Variants in SLC37A1 observed in about 807,000 individuals in gnomAD.
The protein encoded by SLC37A1 is solute carrier family 37 member 1.
Under a neutral mutation model 75.3 loss-of-function variants are expected in SLC37A1, and 49 were observed. That is an observed-to-expected ratio of 0.65 (90% CI 0.52 to 0.83). The LOEUF (loss-of-function observed/expected upper bound fraction) is 0.83, where lower values mean the gene tolerates loss of function less well. Among genes scored for constraint, SLC37A1 ranks in the 40% least tolerant of loss-of-function variants. The pLI is 0.00. For synonymous variants in SLC37A1, 268 were observed against 292.1 expected (o/e 0.92, Z 0.84); for missense variants, 566 against 695.0 (o/e 0.81, Z 2.09).
At chr21:42,543,945 A>G (rs1371263003) in intron 8 of SLC37A1, among the ~76,000 whole-genome samples, 1 of 152,240 alleles carries the variant, frequency 6.6e-6, no homozygotes, top group Non-Finnish European at 1.5e-5. Flanking sequence ...CACAGCCTGA[A>G]TTGGACCCAG....
intron 17 of SLC37A1, among the ~76,000 whole-genome samples, chr21:42,573,977 G>A (rs944180883): frequency 6.7e-6 from 1 of 149,684 alleles, no homozygotes; most frequent in Admixed American, 6.7e-5. Context: ...ATAGTACAAA[G>A]AATTCAGACA....
At chr21:42,559,313 C>T (rs992804178) in intron 11 of SLC37A1, among the ~76,000 whole-genome samples, 5 of 135,020 alleles carry the variant, frequency 3.7e-5, no homozygotes, top group East Asian at 1.9e-4. Flanking sequence ...TTTTGAAATT[C>T]GTTTTCTCCA....
intron 13 of SLC37A1, among the ~76,000 whole-genome samples, 168 bp downstream of exon 13, chr21:42,564,045 C>T (rs1023446039): frequency 1.3e-5 from 2 of 152,046 alleles, no homozygotes; most frequent in Non-Finnish European, 2.9e-5. Flanking sequence ...TATTGTCTCC[C>T]GTCCCTCCCC....
chr21:42,549,726 C>A (rs1338075062), intron 9 of SLC37A1, among the ~76,000 whole-genome samples: 1 of 152,158 alleles, frequency 6.6e-6, no homozygotes, highest in African/African-American at 2.4e-5. Context: ...TTCCCTTTAT[C>A]ACAAATGGGA....
At chr21:42,568,480 G>A in intron 17 of SLC37A1, 42 bp downstream of exon 17, 2 of 1,580,544 alleles carry the variant, frequency 1.3e-6, no homozygotes, top group Non-Finnish European at 1.7e-6. Context: ...GGTGTCTTAG[G>A]GGAAATCACA....
At chr21:42,516,257 G>A (rs190270670) in intron 1 of SLC37A1, among the ~76,000 whole-genome samples, 2 of 152,368 alleles carry the variant, frequency 1.3e-5, no homozygotes, top group Admixed American at 1.3e-4. Flanking sequence ...CTCTGCAGGG[G>A]ATGGGCAGGA....
intron 10 of SLC37A1, among the ~76,000 whole-genome samples, chr21:42,557,202 T>C (rs1419731731): frequency 2.0e-5 from 3 of 152,238 alleles, no homozygotes; most frequent in South Asian, 2.1e-4. Flanking sequence ...CACCCACTGC[T>C]GAGCCTGTTT....
rs1433546391 is a variant in SLC37A1 at position 42,513,989 on chromosome 21, G to T, written c.-907G>T. The T allele has an allele frequency of 1.4e-5, 2 of 147,456 alleles. No homozygotes were observed. The highest frequency in any genetic ancestry group is 2.1e-4 in the South Asian group (1 of 4,794). 9.1% of individuals were successfully genotyped at this position (147,456 alleles called of 1,614,324 possible). ...CCCCCGCCCCCCCGCCCGCACCTGC[G>T]GGGCAGCCGGCGCTCAGGCGCCGCA... is the stretch of plus-strand genomic sequence containing the variant. On this transcript the variant is annotated 5_prime_UTR_variant, in exon 1 of 20. Transcript: ENST00000352133.
At chr21:42,519,548 G>A (rs1045841210) in intron 2 of SLC37A1, among the ~76,000 whole-genome samples, 4 of 152,272 alleles carry the variant, frequency 2.6e-5, no homozygotes, top group South Asian at 4.1e-4. Flanking sequence ...ATTCAGGAAC[G>A]CAAATGCCTT....
intron 3 of SLC37A1, among the ~76,000 whole-genome samples, chr21:42,527,534 G>T (rs183570251): frequency 1.3e-5 from 2 of 152,104 alleles, no homozygotes; most frequent in African/African-American, 4.8e-5. Context: ...GAGCCCTGGG[G>T]TATGACAAAC....
rs1436144784 is a variant in SLC37A1 at position 42,554,099 on chromosome 21, G to A, written c.806G>A (p.Arg269Lys). 1.2e-6 allele frequency: 2 copies of A among 1,613,610 alleles called. No homozygotes were observed. Among genetic ancestry groups the A allele is most frequent in the South Asian group, 2.2e-5 (2 of 91,026 alleles). Reference sequence around the variant, plus strand: ...TATGAGAATGGTACAAACAGATTGAGACTCCAGAAGCAAATCTTGAAGAGC... The same window carrying A: ...TATGAGAATGGTACAAACAGATTGAAACTCCAGAAGCAAATCTTGAAGAGC... ...KGYENGTNRL[R>K]LQKQILKSEK... The change falls in exon 10 of 20, where the codon AGA (arginine) becomes AAA (lysine). Residue 269 changes from arginine (R) to lysine (K), a missense_variant. Transcript: ENST00000352133.
intron 16 of SLC37A1, among the ~76,000 whole-genome samples, chr21:42,567,939 C>G (rs1446483528): frequency 6.6e-6 from 1 of 152,232 alleles, no homozygotes; most frequent in Non-Finnish European, 1.5e-5. Context: ...GCAGAGACAT[C>G]TGACAGGGGT....
chr21:42,549,151 C>T (rs922174484), intron 9 of SLC37A1, among the ~76,000 whole-genome samples: 7 of 151,822 alleles, frequency 4.6e-5, no homozygotes, highest in Non-Finnish European at 7.3e-5. Flanking sequence ...CCGGACCAGC[C>T]GTCTTGAGAC....
chr21:42,575,046 A>G (rs575741980), intron 18 of SLC37A1, 131 bp downstream of exon 18: 1 of 1,457,576 alleles, frequency 6.9e-7, no homozygotes, highest in Admixed American at 2.5e-5. Context: ...ATCTTTTCTA[A>G]ATATGCGTGG....
At chr21:42,525,606 G>A (rs1464465802) in intron 2 of SLC37A1, among the ~76,000 whole-genome samples, 170 bp from the exon 3 acceptor site, 1 of 152,210 alleles carries the variant, frequency 6.6e-6, no homozygotes, top group East Asian at 1.9e-4. Context: ...AGCAAACGTG[G>A]CAATATTTTT....
rs2054562448 is a variant in SLC37A1 at position 42,518,319 on chromosome 21, G to A, written c.-136G>A. On this transcript the variant is annotated 5_prime_UTR_variant, in exon 2 of 20. Coordinates refer to ENST00000352133, the MANE Select transcript of SLC37A1 (RefSeq NM_001320537.2). ...AGAAGGAAGGGGACAAGACCCAGCA[G>A]GACACCTTCTTTCCACGCTTTCCAG... is the stretch of plus-strand genomic sequence containing the variant. 3 of 1,076,006 alleles carry A rather than the reference G, an allele frequency of 2.8e-6. No individual in the cohort carries two copies. The highest frequency in any genetic ancestry group is 4.2e-6 in the Non-Finnish European group (3 of 712,312). The allele number at this position is 1,076,006 out of a possible 1,614,324, so 66.7% of individuals were successfully genotyped here.
chr21:42,578,557 A>T (rs777929346), intron 18 of SLC37A1, among the ~76,000 whole-genome samples: 1 of 152,214 alleles, frequency 6.6e-6, no homozygotes, highest in Non-Finnish European at 1.5e-5. Context: ...CTGTGCCGGT[A>T]GTTGGAGCTA....
In SLC37A1 at chr21:42,568,552, C is replaced by T. The variant is rs997543163; in HGVS notation, c.1423+114C>T. ...ACTGCATCTATAACATTGGGTGGGC[C>T]GGCTTCTTACTATACGAGCAGATGA... On this transcript the variant is annotated intron_variant, in intron 17 of 19. Transcript: ENST00000352133. 13 of 990,840 alleles carry T rather than the reference C, an allele frequency of 1.3e-5. No homozygotes were observed. The African/African-American group carries it at 1.6e-4, about 12-fold the overall frequency. 61.4% of individuals were successfully genotyped at this position (990,840 alleles called of 1,614,324 possible). A position where few individuals can be genotyped will look rare whatever the true frequency, so the allele number is the denominator to read the frequency against.
At chr21:42,513,031 C>T (rs1234103672), upstream of SLC37A1, among the ~76,000 whole-genome samples, 1 of 152,146 alleles carries the variant, frequency 6.6e-6, no homozygotes, top group Non-Finnish European at 1.5e-5. Context: ...TTGTTTTATC[C>T]GGGGGCAGGC....
Sources: gnomAD v4.1 joint callset for allele counts (sites outside exome capture counted in the v4.1 genomes callset) on GRCh38, gnomAD v4.1.1 for gene constraint, MANE v1.5 for transcripts, NCBI Gene and HGNC (gene_info 2026-07-23, HGNC 2026-07-21) for gene names.